Variants in OAS2 observed in about 807,000 individuals in gnomAD.
OAS2 encodes 2'-5'-oligoadenylate synthase 2.
In OAS2, 67 loss-of-function variants were observed where a neutral mutation model predicts 71.3. The ratio of observed to expected loss-of-function variants is 0.94; its 90% CI spans 0.77 to 1.15. The LOEUF (loss-of-function observed/expected upper bound fraction) is 1.15, where lower values mean the gene tolerates loss of function less well. Among genes scored for constraint, OAS2 ranks in the 50% most tolerant of loss-of-function variants. The pLI is 0.00. For synonymous variants in OAS2, 327 were observed against 321.8 expected (o/e 1.02, Z -0.17); for missense variants, 789 against 822.5 (o/e 0.96, Z 0.50).
chr12:112,985,388 A>C (rs1418093346), intron 1 of OAS2, among the ~76,000 whole-genome samples: 2 of 152,220 alleles, frequency 1.3e-5, no homozygotes, highest in Non-Finnish European at 2.9e-5. Context: ...TTTCAAAAGA[A>C]CTGTCTTCAA....
At chr12:112,989,821 T>G (rs1296372) in intron 2 of OAS2, among the ~76,000 whole-genome samples, 120,374 of 152,018 alleles carry the variant, frequency 0.79, 48,720 homozygotes, top group East Asian at 1. Flanking sequence ...TGACTGGGGG[T>G]GCTTAGAATT....
intron 1 of OAS2, among the ~76,000 whole-genome samples, chr12:112,983,392 A>AT (rs2044101418): frequency 6.6e-6 from 1 of 151,852 alleles, no homozygotes; most frequent in African/African-American, 2.4e-5. Flanking sequence ...CGCCCGGCTA[A>AT]TTTTGTATTT....
chr12:112,994,530 G>A (rs541872186), intron 2 of OAS2, among the ~76,000 whole-genome samples: 14 of 152,048 alleles, frequency 9.2e-5, no homozygotes, highest in South Asian at 4.1e-4. Flanking sequence ...CAAGGAGTTC[G>A]CATGCCTTAG....
chr12:112,993,160 A>G (rs1464180432), intron 2 of OAS2, among the ~76,000 whole-genome samples: 5 of 152,200 alleles, frequency 3.3e-5, no homozygotes, highest in Non-Finnish European at 7.3e-5. Context: ...TTTAAACTAA[A>G]TATTAGCCTA....
intron 2 of OAS2, among the ~76,000 whole-genome samples, chr12:112,993,185 T>A (rs1006946638): frequency 2.0e-5 from 3 of 152,228 alleles, no homozygotes; most frequent in Non-Finnish European, 2.9e-5. Flanking sequence ...ATCTGGCCTA[T>A]TTTTACACCA....
At chr12:113,005,961 G>A (rs2044331503) in intron 7 of OAS2, among the ~76,000 whole-genome samples, 1 of 136,188 alleles carries the variant, frequency 7.3e-6, no homozygotes, top group Non-Finnish European at 1.5e-5. Flanking sequence ...ACAAGAAGCA[G>A]CGCACCAGAT....
At chr12:112,995,795 G>C (rs924348951) in intron 3 of OAS2, among the ~76,000 whole-genome samples, 2 of 152,058 alleles carry the variant, frequency 1.3e-5, no homozygotes, top group African/African-American at 4.8e-5. Context: ...TTGGCTCAAC[G>C]GGATGTCTGA....
chr12:113,007,655 AC>A, intron 8 of OAS2, 49 bp from the exon 9 acceptor site: 1 of 1,504,944 alleles, frequency 6.6e-7, no homozygotes, highest in Middle Eastern at 2.0e-4. Flanking sequence ...TGCGGCTCTC[AC>A]TGAGCTCCTA....
chr12:113,008,489 A>G (rs2044353628), intron 9 of OAS2, among the ~76,000 whole-genome samples: 1 of 152,210 alleles, frequency 6.6e-6, no homozygotes, highest in South Asian at 2.1e-4. Context: ...TAAATTATGT[A>G]TCATATTTTA....
Position 113,010,355 on chromosome 12 carries a change from C to T in OAS2, c.*1100C>T, listed in dbSNP as rs781418844. 23 of 1,608,154 alleles carry T rather than the reference C, an allele frequency of 1.4e-5. No individual in the cohort carries two copies. The highest frequency in any genetic ancestry group is 5.1e-5 in the Admixed American group (3 of 58,714). On this transcript the variant is annotated 3_prime_UTR_variant, in exon 10 of 10. Coordinates refer to ENST00000392583, the MANE Select transcript of OAS2 (RefSeq NM_002535.3). ...ACTATTAGGAGACATTGCTCTCCCACGTATGTTTTTCTTTTTAGACAATGC... is the reference window on the plus strand; with the variant it reads ...ACTATTAGGAGACATTGCTCTCCCATGTATGTTTTTCTTTTTAGACAATGC...
At chr12:112,992,393 G>GAAAAA (rs57482640) in intron 2 of OAS2, among the ~76,000 whole-genome samples, 3 of 96,684 alleles carry the variant, frequency 3.1e-5, no homozygotes, top group African/African-American at 8.4e-5. Flanking sequence ...CTTGTCAAAA[G>GAAAAA]AAAAAAAAAA....
Position 112,978,757 on chromosome 12 carries a change from A to G in OAS2, c.149A>G (p.Gln50Arg), listed in dbSNP as rs1341345409. Reference protein sequence around the residue: ...TICDVLQEPEQFPLVQGVAIG... With the variant: ...TICDVLQEPERFPLVQGVAIG... Reference sequence around the variant, plus strand: ...TGTGACGTCCTGCAGGAACCCGAACAGTTCCCCCTGGTGCAGGGAGTGGCC... The same window carrying G: ...TGTGACGTCCTGCAGGAACCCGAACGGTTCCCCCTGGTGCAGGGAGTGGCC... Residue 50 changes from glutamine to arginine, a missense_variant, in exon 1 of 10, where the codon CAG (glutamine) becomes CGG (arginine). Physicochemically the swap from Gln to Arg is conservative, Grantham distance 43. Coordinates refer to ENST00000392583, the MANE Select transcript of OAS2 (RefSeq NM_002535.3). The surrounding 1 kb of genome is among the most constrained non-coding windows in gnomAD (Gnocchi z 4.2). The G allele has an allele frequency of 1.5e-5, 25 of 1,613,792 alleles. No individual in the cohort carries two copies. Among genetic ancestry groups the G allele is most frequent in the Non-Finnish European group, 2.1e-5 (25 of 1,179,890 alleles).
Position 113,003,083 on chromosome 12 carries a change from C to T in OAS2, c.1160C>T (p.Ala387Val). 1 of 1,614,120 alleles carries T rather than the reference C, an allele frequency of 6.2e-7. No individual in the cohort carries two copies. Among genetic ancestry groups the T allele is most frequent in the Non-Finnish European group, 8.5e-7 (1 of 1,179,984 alleles). ...GAAAACTGCTTCCGACAATCAACAG[C>T]CAAGATCCAGATTGTCCGGGTGAGC... is the stretch of plus-strand genomic sequence containing the variant. ...LKENCFRQST[A>V]KIQIVRGGST... The change falls in exon 6 of 10, where the codon GCC becomes GTC. Residue 387 changes from alanine to valine, a missense_variant. By Grantham distance (64) the Ala-to-Val change is moderately conservative. Coordinates refer to ENST00000392583, the MANE Select transcript of OAS2 (RefSeq NM_002535.3).
Position 113,006,597 on chromosome 12 carries a change from A to G in OAS2, c.1653A>G (p.Lys551=), listed in dbSNP as rs990843571. 16 of 1,602,180 alleles carry G rather than the reference A, an allele frequency of 1.0e-5. No individual in the cohort carries two copies. The highest frequency in any genetic ancestry group is 2.7e-5 in the African/African-American group (2 of 74,732). The change falls in exon 8 of 10, where the codon AAA becomes AAG. Residue 551 remains lysine (K), a synonymous_variant. Coordinates refer to ENST00000392583, the MANE Select transcript of OAS2 (RefSeq NM_002535.3). ...DLIRLVKHWY[K]ECERKLKPKG... Reference sequence around the variant, plus strand: ...TTCGCCTGGTGAAGCACTGGTACAAAGAGGTAAGGACAGTCTTTGTTCTGA... The same window carrying G: ...TTCGCCTGGTGAAGCACTGGTACAAGGAGGTAAGGACAGTCTTTGTTCTGA...
chr12:112,978,560 T>C lies in OAS2; in HGVS notation c.-49T>C. On this transcript the variant is annotated 5_prime_UTR_variant, in exon 1 of 10. Transcript: ENST00000392583. This position sits in a 1 kb window ranked among gnomAD's most constrained non-coding sequence, Gnocchi z 4.2. ...CTCTGGGCAGCAGCAAGAATTCCTC[T>C]GCCTCCCATCCTACCATTCACTGTC... 1 of 1,601,788 alleles carries C rather than the reference T, an allele frequency of 6.2e-7. No homozygotes were observed.
At chr12:112,985,406 A>G (rs995424689) in intron 1 of OAS2, among the ~76,000 whole-genome samples, 1 of 152,184 alleles carries the variant, frequency 6.6e-6, no homozygotes, top group Non-Finnish European at 1.5e-5. Flanking sequence ...CAAGTTTAGA[A>G]ATTCTTTCTT....
At chr12:113,006,370 C>T (rs1365496341) in intron 7 of OAS2, 43 bp from the exon 8 acceptor site, 4 of 1,431,456 alleles carry the variant, frequency 2.8e-6, no homozygotes, top group Non-Finnish European at 3.7e-6. Context: ...CTGTTACTTA[C>T]TATGTGTATT....
In OAS2 at chr12:112,978,788, G is replaced by A; in HGVS notation, c.177+3G>A. ...CCCTGGTGCAGGGAGTGGCCATAGT[G>A]AGTCCAGGGCTGAGGTTGGGTCTCT... is the stretch of plus-strand genomic sequence containing the variant. On this transcript the variant is annotated splice_donor_region_variant and intron_variant, in intron 1 of 9. Coordinates refer to ENST00000392583, the MANE Select transcript of OAS2 (RefSeq NM_002535.3). This position sits in a 1 kb window ranked among gnomAD's most constrained non-coding sequence, Gnocchi z 4.2. 3 of 1,611,884 alleles carry A rather than the reference G, an allele frequency of 1.9e-6. No homozygotes were observed. The highest frequency in any genetic ancestry group is 2.5e-6 in the Non-Finnish European group (3 of 1,178,490).
rs35319355 is a variant in OAS2, at chr12:113,011,052, TC to T, written c.*1804del. ...TCTTTTCCTTCTGAGCCTGCCTTTC[TC>T]CCCCCCACCCAGGAGTATCCTCTTG... is the stretch of plus-strand genomic sequence containing the variant. On this transcript the variant is annotated 3_prime_UTR_variant, in exon 10 of 10. Coordinates refer to ENST00000392583, the MANE Select transcript of OAS2 (RefSeq NM_002535.3). 116,592 of 152,104 alleles carry T rather than the reference TC, an allele frequency of 0.77. 46,043 individuals are homozygous for T. Among genetic ancestry groups the T allele is most frequent in the East Asian group, 0.99 (5,144 of 5,172 alleles). The allele number at this position is 152,104 out of a possible 1,614,324, so 9.4% of individuals were successfully genotyped here. A position where few individuals can be genotyped will look rare whatever the true frequency, so the allele number is the denominator to read the frequency against.
Sources: allele counts gnomAD v4.1 joint callset (sites outside exome capture counted in the v4.1 genomes callset), GRCh38; gene constraint gnomAD v4.1.1; non-coding constraint Gnocchi (gnomAD v3.1); transcripts MANE v1.5; gene names NCBI Gene and HGNC (gene_info 2026-07-23, HGNC 2026-07-21).